KCTD6: variants seen among roughly 807,000 people sequenced by gnomAD.
KCTD6 encodes potassium channel tetramerization domain containing 6.
A neutral mutation model predicts 18.7 loss-of-function variants in KCTD6; 6 were observed. That is an observed-to-expected ratio of 0.32 (90% CI 0.18 to 0.63). The LOEUF is 0.63. Ranked by LOEUF, KCTD6 falls within the 30% of genes least tolerant of loss-of-function variation. The pLI is 0.79. For synonymous variants in KCTD6, 86 were observed against 108.5 expected (o/e 0.79, Z 1.29); for missense variants, 165 against 300.2 (o/e 0.55, Z 3.33).
rs1199720700 is a variant in KCTD6, at chr3:58,501,301, A to C, written c.383A>C (p.Lys128Thr). ...EEVVELSSTRKLSKYSNPVAV... is the reference protein window; with the variant it reads ...EEVVELSSTRTLSKYSNPVAV... ...GTTGTGGAGCTGTCTAGTACTCGGA[A>C]GCTTTCTAAGTACTCCAACCCAGTG... Residue 128 changes from lysine (K) to threonine (T), a missense_variant, in exon 3 of 3, where the codon AAG (lysine) becomes ACG (threonine). Physicochemically the swap from Lys to Thr is moderately conservative, Grantham distance 78. Coordinates refer to ENST00000404589, the MANE Select transcript of KCTD6 (RefSeq NM_001128214.2). The surrounding 1 kb of genome is among the most constrained non-coding windows in gnomAD (Gnocchi z 9.7). 1.2e-6 allele frequency: 2 copies of C among 1,613,620 alleles called. No homozygotes were observed. The highest frequency in any genetic ancestry group is 2.7e-5 in the African/African-American group (2 of 74,874).
In KCTD6 at chr3:58,501,668, C is replaced by A. The variant is rs756685549; in HGVS notation, c.*36C>A. On this transcript the variant is annotated 3_prime_UTR_variant, in exon 3 of 3. Transcript: ENST00000404589. This position sits in a 1 kb window ranked among gnomAD's most constrained non-coding sequence, Gnocchi z 9.7. ...TGCCACAGGTTCCTGGAAAGACTCT[C>A]CAGGAAATGGAAGATACTGATTTTT... is the stretch of plus-strand genomic sequence containing the variant. The A allele has an allele frequency of 1.2e-5, 15 of 1,264,974 alleles. No homozygotes were observed. The highest frequency in any genetic ancestry group is 3.4e-5 in the South Asian group (1 of 29,678). The allele number at this position is 1,264,974 out of a possible 1,614,324, so 78.4% of individuals were successfully genotyped here.
At position 58,496,887 on chromosome 3, in the gene KCTD6, G is replaced by A. The variant is rs1468109220; in HGVS notation, c.-43-1826G>A. Among the ~76,000 whole-genome samples the A allele has an allele frequency of 6.6e-6, 1 of 152,202 alleles. No individual in the cohort carries two copies. The highest frequency in any genetic ancestry group is 6.5e-5 in the Admixed American group (1 of 15,280). Reference sequence around the variant, plus strand: ...TCAGAATGAATACTTTGGGTGATGGGAAAATGCCAAAGATGAGCATCTTAC... The same window carrying A: ...TCAGAATGAATACTTTGGGTGATGGAAAAATGCCAAAGATGAGCATCTTAC... On this transcript the variant is annotated intron_variant, in intron 1 of 2. Coordinates refer to ENST00000404589, the MANE Select transcript of KCTD6 (RefSeq NM_001128214.2). The surrounding 1 kb of genome is among the most constrained non-coding windows in gnomAD (Gnocchi z 5.1).
rs955483917 is a variant in KCTD6, at chr3:58,498,032, T to C, written c.-43-681T>C. ...AGTCTCGCACTGTTGCAGGGGCTGG[T>C]GTGCAGTGGCACAGTCTCGGCTCAC... On this transcript the variant is annotated intron_variant, in intron 1 of 2. Coordinates refer to ENST00000404589, the MANE Select transcript of KCTD6 (RefSeq NM_001128214.2). The surrounding 1 kb of genome is among the most constrained non-coding windows in gnomAD (Gnocchi z 4.6). 1.3e-5 allele frequency: 2 copies of C among 150,026 alleles called. No individual in the cohort carries two copies. Among genetic ancestry groups the C allele is most frequent in the South Asian group, 2.1e-4 (1 of 4,704 alleles). The allele number at this position is 150,026 out of a possible 1,614,324, so 9.3% of individuals were successfully genotyped here. A position where few individuals can be genotyped will look rare whatever the true frequency, so the allele number is the denominator to read the frequency against.
intron 2 of KCTD6, among the ~76,000 whole-genome samples, chr3:58,499,255 G>C (rs920141108): frequency 1.6e-4 from 25 of 152,174 alleles, no homozygotes; most frequent in African/African-American, 5.6e-4. Flanking sequence ...ACTCAAAATG[G>C]ATTTTCCAAA....
Position 58,497,596 on chromosome 3 carries a change from T to C in KCTD6, c.-43-1117T>C, listed in dbSNP as rs1167943273. ...TGTTTGTTTAAATGCTTTTGAATTG[T>C]AGATAAAAATAAATTCACATTGGCA... On this transcript the variant is annotated intron_variant, in intron 1 of 2. Coordinates refer to ENST00000404589, the MANE Select transcript of KCTD6 (RefSeq NM_001128214.2). This position sits in a 1 kb window ranked among gnomAD's most constrained non-coding sequence, Gnocchi z 4.2. Among the ~76,000 whole-genome samples the C allele has an allele frequency of 1.3e-5, 2 of 152,206 alleles. No individual in the cohort carries two copies. Among genetic ancestry groups the C allele is most frequent in the Non-Finnish European group, 2.9e-5 (2 of 68,036 alleles).
chr3:58,496,836 G>C lies in KCTD6; in HGVS notation c.-43-1877G>C, dbSNP rs1470744584. Among the ~76,000 whole-genome samples, 2 of 152,202 alleles carry C rather than the reference G, an allele frequency of 1.3e-5. No individual in the cohort carries two copies. Among genetic ancestry groups the C allele is most frequent in the Non-Finnish European group, 2.9e-5 (2 of 68,046 alleles). ...CCATAGGTGACCCACAATAATTGTTGGCTGAATGAATGATTATTGAGGCTG... is the reference window on the plus strand; with the variant it reads ...CCATAGGTGACCCACAATAATTGTTCGCTGAATGAATGATTATTGAGGCTG... On this transcript the variant is annotated intron_variant, in intron 1 of 2. Coordinates refer to ENST00000404589, the MANE Select transcript of KCTD6 (RefSeq NM_001128214.2). This position sits in a 1 kb window ranked among gnomAD's most constrained non-coding sequence, Gnocchi z 5.1.
chr3:58,501,862 TA>T lies in KCTD6; in HGVS notation c.*235del. ...TCAGAGTCTCCAGATACCTTTTTTA[TA>T]AAAAGAAGTCTGAAAATCATTATGG... On this transcript the variant is annotated 3_prime_UTR_variant, in exon 3 of 3. Coordinates refer to ENST00000404589, the MANE Select transcript of KCTD6 (RefSeq NM_001128214.2). The surrounding 1 kb of genome is among the most constrained non-coding windows in gnomAD (Gnocchi z 9.7). The T allele has an allele frequency of 3.0e-6, 1 of 335,688 alleles. No individual in the cohort carries two copies. The allele number at this position is 335,688 out of a possible 1,614,324, so 20.8% of individuals were successfully genotyped here.
intron 2 of KCTD6, 131 bp from the exon 3 acceptor site, chr3:58,500,815 A>G (rs967960184): frequency 6.2e-5 from 35 of 568,894 alleles, no homozygotes; most frequent in East Asian, 8.9e-5. Context: ...GTCATTTTGC[A>G]TTAGAGGATT....
Position 58,498,443 on chromosome 3 carries a change from C to T in KCTD6, c.-43-270C>T. 1 of 298,304 alleles carries T rather than the reference C, an allele frequency of 3.4e-6. No individual in the cohort carries two copies. The highest frequency in any genetic ancestry group is 8.8e-5 in the South Asian group (1 of 11,362). The allele number at this position is 298,304 out of a possible 1,614,324, so 18.5% of individuals were successfully genotyped here. On this transcript the variant is annotated intron_variant, in intron 1 of 2. Coordinates refer to ENST00000404589, the MANE Select transcript of KCTD6 (RefSeq NM_001128214.2). The surrounding 1 kb of genome is among the most constrained non-coding windows in gnomAD (Gnocchi z 4.6). ...TGACTGGGTTACTTCCTAGACTCTT[C>T]CTCCTTCTCTTAAGTACAGTATAGT... is the stretch of plus-strand genomic sequence containing the variant.
chr3:58,498,730 C>A lies in KCTD6; in HGVS notation c.-26C>A. On this transcript the variant is annotated 5_prime_UTR_variant, in exon 2 of 3. Transcript: ENST00000404589. The surrounding 1 kb of genome is among the most constrained non-coding windows in gnomAD (Gnocchi z 4.6). ...TCTTGAAGTTTCCCTGAAACCTGGG[C>A]TCTTGAAGACGCATCACTGGAGCAG... The A allele has an allele frequency of 6.2e-7, 1 of 1,602,884 alleles. No homozygotes were observed. Among genetic ancestry groups the A allele is most frequent in the Non-Finnish European group, 8.5e-7 (1 of 1,171,148 alleles).
Position 58,492,494 on chromosome 3 carries a change from G to T in KCTD6, c.-44+325G>T, listed in dbSNP as rs998003131. 2.6e-5 allele frequency among the ~76,000 whole-genome samples: 4 copies of T among 151,942 alleles called. No individual in the cohort carries two copies. The highest frequency in any genetic ancestry group is 7.2e-5 in the African/African-American group (3 of 41,430). ...GCATCGCCCGCCCTACCCCTGGCCG[G>T]GTCGGGTTGCGGGGGCTTCGCTGGC... On this transcript the variant is annotated intron_variant, in intron 1 of 2. Coordinates refer to ENST00000404589, the MANE Select transcript of KCTD6 (RefSeq NM_001128214.2). The surrounding 1 kb of genome is among the most constrained non-coding windows in gnomAD (Gnocchi z 6.1).
chr3:58,501,377 A>T lies in KCTD6; in HGVS notation c.459A>T (p.Leu153=). 6.3e-7 allele frequency: 1 copy of T among 1,586,952 alleles called. No homozygotes were observed. The highest frequency in any genetic ancestry group is 1.2e-5 in the South Asian group (1 of 86,208). The change falls in exon 3 of 3, where the codon CTA becomes CTT. Residue 153 remains leucine, a synonymous_variant. Coordinates refer to ENST00000404589, the MANE Select transcript of KCTD6 (RefSeq NM_001128214.2). This position sits in a 1 kb window ranked among gnomAD's most constrained non-coding sequence, Gnocchi z 9.7. The part of the protein sequence containing the change: ...LTITTKVHSL[L]EGISNYFTKW... The stretch of plus-strand genomic sequence containing the variant: ...TCACCACTAAGGTCCATTCCTTACT[A>T]GAAGGCATCTCAAATTATTTTACCA...
In KCTD6 at chr3:58,501,319, A is replaced by C; in HGVS notation, c.401A>C (p.Asn134Thr). 1 of 1,611,284 alleles carries C rather than the reference A, an allele frequency of 6.2e-7. No individual in the cohort carries two copies. The highest frequency in any genetic ancestry group is 8.5e-7 in the Non-Finnish European group (1 of 1,179,126). ...SSTRKLSKYS[N>T]PVAVIITQLT... ...ACTCGGAAGCTTTCTAAGTACTCCA[A>C]CCCAGTGGCTGTCATCATAACGCAA... The change falls in exon 3 of 3, where the codon AAC becomes ACC. Residue 134 changes from asparagine to threonine, a missense_variant. Transcript: ENST00000404589. This position sits in a 1 kb window ranked among gnomAD's most constrained non-coding sequence, Gnocchi z 9.7.
Position 58,498,800 on chromosome 3 carries a change from A to G in KCTD6, c.27+18A>G. ...GCTATATGGTGAGTGCTTCTTGGAG[A>G]TGCATTTTGAAGGCTGGGGAATTAT... is the stretch of plus-strand genomic sequence containing the variant. On this transcript the variant is annotated intron_variant, in intron 2 of 2. Coordinates refer to ENST00000404589, the MANE Select transcript of KCTD6 (RefSeq NM_001128214.2). This position sits in a 1 kb window ranked among gnomAD's most constrained non-coding sequence, Gnocchi z 4.6. 1 of 1,603,308 alleles carries G rather than the reference A, an allele frequency of 6.2e-7. No individual in the cohort carries two copies. The highest frequency in any genetic ancestry group is 8.5e-7 in the Non-Finnish European group (1 of 1,173,038).
At chr3:58,495,104 G>A (rs2063169945) in intron 1 of KCTD6, among the ~76,000 whole-genome samples, 1 of 152,142 alleles carries the variant, frequency 6.6e-6, no homozygotes, top group African/African-American at 2.4e-5. Context: ...TTTAGTTTTA[G>A]TAAGGAAAGT....
At position 58,498,621 on chromosome 3, in the gene KCTD6, T is replaced by G; in HGVS notation, c.-43-92T>G. 1.4e-6 allele frequency: 1 copy of G among 736,340 alleles called. No individual in the cohort carries two copies. The highest frequency in any genetic ancestry group is 2.4e-6 in the Non-Finnish European group (1 of 417,180). The allele number at this position is 736,340 out of a possible 1,614,324, so 45.6% of individuals were successfully genotyped here. A position where few individuals can be genotyped will look rare whatever the true frequency, so the allele number is the denominator to read the frequency against. On this transcript the variant is annotated intron_variant, in intron 1 of 2. Transcript: ENST00000404589. This position sits in a 1 kb window ranked among gnomAD's most constrained non-coding sequence, Gnocchi z 4.6. ...GAGCAAGGACGAGTAGTTTTTCTGGTGTTTGGCCTCCTCTGTTGGGTGGAA... is the reference window on the plus strand; with the variant it reads ...GAGCAAGGACGAGTAGTTTTTCTGGGGTTTGGCCTCCTCTGTTGGGTGGAA...
chr3:58,497,236 G>A lies in KCTD6; in HGVS notation c.-43-1477G>A, dbSNP rs1027888161. 6.6e-6 allele frequency among the ~76,000 whole-genome samples: 1 copy of A among 152,246 alleles called. No individual in the cohort carries two copies. Among genetic ancestry groups the A allele is most frequent in the Admixed American group, 6.5e-5 (1 of 15,290 alleles). On this transcript the variant is annotated intron_variant, in intron 1 of 2. Coordinates refer to ENST00000404589, the MANE Select transcript of KCTD6 (RefSeq NM_001128214.2). The surrounding 1 kb of genome is among the most constrained non-coding windows in gnomAD (Gnocchi z 4.2). The stretch of plus-strand genomic sequence containing the variant: ...GAAGGATTTGCAAGGTAGAGAAATA[G>A]ATGCTTCAGGCTCTGATTTCAGCCC...
chr3:58,500,990 A>G lies in KCTD6; in HGVS notation c.72A>G (p.Thr24=), dbSNP rs1256420141. 9 of 1,608,818 alleles carry G rather than the reference A, an allele frequency of 5.6e-6. No individual in the cohort carries two copies. The highest frequency in any genetic ancestry group is 1.7e-4 in the Middle Eastern group (1 of 6,022). The change falls in exon 3 of 3, where the codon ACA becomes ACG. Residue 24 remains threonine (T), a synonymous_variant. Transcript: ENST00000404589. The stretch of plus-strand genomic sequence containing the variant: ...TAAATGTAGGTGGACACTTGTATAC[A>G]ACGTCTCTCACCACATTGACGCGTT... ...VTLNVGGHLY[T]TSLTTLTRYP... is the part of the protein sequence containing the mutation.
In KCTD6 at chr3:58,499,547, C is replaced by CTT. The variant is rs11418436; in HGVS notation, c.27+781_27+782dup. Among the ~76,000 whole-genome samples, 148 of 121,818 alleles carry CTT rather than the reference C, an allele frequency of 1.2e-3. 1 individual carries two copies. Among genetic ancestry groups the CTT allele is most frequent in the Middle Eastern group, 9.6e-3 (2 of 208 alleles). The allele number at this position is 121,818 out of a possible 152,430, so 79.9% of individuals were successfully genotyped here. On this transcript the variant is annotated intron_variant, in intron 2 of 2. Transcript: ENST00000404589. ...GTCTGCCTTTCTTTTTTCTTTCTTC[C>CTT]TTTTTTTTTTTTTTTTTCGAGACAG...
Sources: allele counts gnomAD v4.1 joint callset (sites outside exome capture counted in the v4.1 genomes callset), GRCh38; gene constraint gnomAD v4.1.1; non-coding constraint Gnocchi (gnomAD v3.1); transcripts MANE v1.5; gene names NCBI Gene and HGNC (gene_info 2026-07-23, HGNC 2026-07-21).